Variants in MTREX observed in about 807,000 individuals in gnomAD.
The protein encoded by MTREX is Mtr4 exosome RNA helicase.
In MTREX, 76 loss-of-function variants were observed where a neutral mutation model predicts 135.4. The observed-to-expected ratio is 0.56, with a 90% CI of 0.47 to 0.68. The LOEUF (loss-of-function observed/expected upper bound fraction) is 0.68. Among genes scored for constraint, MTREX ranks in the 30% least tolerant of loss-of-function variants. The probability of loss-of-function intolerance (pLI) is 0.00; values close to 1 mark genes in which losing one functional copy is unlikely to be tolerated. For synonymous variants in MTREX, 404 were observed against 401.6 expected (o/e 1.01, Z -0.07); for missense variants, 920 against 1,262.1 (o/e 0.73, Z 4.11).
At position 55,414,163 on chromosome 5, in the gene MTREX, T is replaced by C; in HGVS notation, c.2752-19T>C. The C allele has an allele frequency of 6.5e-7, 1 of 1,537,786 alleles. No homozygotes were observed. Among genetic ancestry groups the C allele is most frequent in the Non-Finnish European group, 8.7e-7 (1 of 1,150,728 alleles). ...TTTAAACGTGGGTTTTTATATCTTG[T>C]TTTCCTTTTCTTTTATAGTCTAGTG... On this transcript the variant is annotated intron_variant, in intron 23 of 26. Coordinates refer to ENST00000230640, the MANE Select transcript of MTREX (RefSeq NM_015360.5).
chr5:55,414,069 T>G, intron 23 of MTREX, 113 bp from the exon 24 acceptor site: 1 of 684,458 alleles, frequency 1.5e-6, no homozygotes, highest in Non-Finnish European at 2.3e-6. Flanking sequence ...ACTAAGGTCT[T>G]ATAATTTGAT....
chr5:55,365,861 C>A (rs1234674746), intron 15 of MTREX, among the ~76,000 whole-genome samples: 3 of 151,938 alleles, frequency 2.0e-5, no homozygotes, highest in South Asian at 2.1e-4. Context: ...CCTGGTGGCA[C>A]GCTCCTGTAG....
chr5:55,420,449 T>G (rs1426004702), intron 25 of MTREX, among the ~76,000 whole-genome samples: 1 of 152,222 alleles, frequency 6.6e-6, no homozygotes, highest in Non-Finnish European at 1.5e-5. Flanking sequence ...TGGTATATAT[T>G]AGGTTGGTGC....
In MTREX at chr5:55,406,493, G is replaced by A. The variant is rs561729320; in HGVS notation, c.2645+905G>A. Among the ~76,000 whole-genome samples the A allele has an allele frequency of 3.9e-5, 6 of 152,222 alleles. No individual in the cohort carries two copies. The South Asian group carries it at 1.2e-3, about 32-fold the overall frequency. ...CTAGCTGGCTAAGGTTGCCTTTTCTGACCTAGCTTTACCTTTTGTAACCTA... is the reference window on the plus strand; with the variant it reads ...CTAGCTGGCTAAGGTTGCCTTTTCTAACCTAGCTTTACCTTTTGTAACCTA... On this transcript the variant is annotated intron_variant, in intron 22 of 26. Transcript: ENST00000230640.
intron 16 of MTREX, among the ~76,000 whole-genome samples, chr5:55,372,948 C>T (rs925104929): frequency 2.5e-5 from 3 of 118,534 alleles, no homozygotes; most frequent in Non-Finnish European, 5.5e-5. Flanking sequence ...GTGTGTTTGT[C>T]TATGGTTTTT....
chr5:55,414,071 T>C lies in MTREX; in HGVS notation c.2752-111T>C, dbSNP rs1010983490. On this transcript the variant is annotated intron_variant, in intron 23 of 26. Coordinates refer to ENST00000230640, the MANE Select transcript of MTREX (RefSeq NM_015360.5). ...CTAAATGCTGATGACTAAGGTCTTA[T>C]AATTTGATATGTGACTATCTTACAA... is the stretch of plus-strand genomic sequence containing the variant. 2.0e-5 allele frequency: 14 copies of C among 697,832 alleles called. No individual in the cohort carries two copies. The African/African-American group carries it at 2.2e-4, about 11-fold the overall frequency. 43.2% of individuals were successfully genotyped at this position (697,832 alleles called of 1,614,324 possible). A position where few individuals can be genotyped will look rare whatever the true frequency, so the allele number is the denominator to read the frequency against.
intron 25 of MTREX, among the ~76,000 whole-genome samples, chr5:55,418,451 C>T: frequency 6.8e-6 from 1 of 146,800 alleles, no homozygotes; most frequent in Middle Eastern, 3.2e-3. Flanking sequence ...TAGATGCCAC[C>T]TATGAGTTGA....
chr5:55,328,769 T>C lies in MTREX; in HGVS notation c.473T>C (p.Leu158Pro). 1 of 1,613,392 alleles carries C rather than the reference T, an allele frequency of 6.2e-7. No homozygotes were observed. The highest frequency in any genetic ancestry group is 8.5e-7 in the Non-Finnish European group (1 of 1,179,448). The change falls in exon 5 of 27, where the codon CTA becomes CCA. Residue 158 changes from leucine to proline, a missense_variant. Physicochemically the swap from Leu to Pro is moderately conservative, Grantham distance 98. This residue lies in a region of MTREX where 82 missense variants were observed against 107.4 expected (regional missense o/e 0.76). Transcript: ENST00000230640. Reference sequence around the variant, plus strand: ...TGTGTTGACAATAATCAGTCTGTTCTAGTATCTGCACATACCTCAGCGGGA... The same window carrying C: ...TGTGTTGACAATAATCAGTCTGTTCCAGTATCTGCACATACCTCAGCGGGA... ...IQCVDNNQSV[L>P]VSAHTSAGKT...
intron 25 of MTREX, among the ~76,000 whole-genome samples, chr5:55,419,226 A>G (rs986926081): frequency 2.6e-4 from 39 of 152,212 alleles, no homozygotes; most frequent in South Asian, 1.9e-3. Context: ...CAGGCAGACA[A>G]TAATTGCATT....
intron 14 of MTREX, 118 bp downstream of exon 14, chr5:55,353,387 AATACAGTTTC>A (rs1749859185): frequency 1.7e-6 from 1 of 589,082 alleles, no homozygotes; most frequent in African/African-American, 1.9e-5. Context: ...AACCTGAGCT[AATACAGTTTC>A]ATCAAGGTTA....
chr5:55,340,533 G>A (rs16884079), intron 6 of MTREX, among the ~76,000 whole-genome samples: 2 of 149,368 alleles, frequency 1.3e-5, no homozygotes, highest in Admixed American at 6.6e-5. Flanking sequence ...TGACTTTGCC[G>A]TCTTCTATAT....
chr5:55,319,679 C>T (rs929686967), intron 1 of MTREX, among the ~76,000 whole-genome samples: 8 of 152,152 alleles, frequency 5.3e-5, no homozygotes, highest in African/African-American at 1.9e-4. Context: ...ACTTCATTTC[C>T]AGCCTTTCTG....
At chr5:55,386,723 A>G (rs1201928347) in intron 18 of MTREX, among the ~76,000 whole-genome samples, 1 of 152,134 alleles carries the variant, frequency 6.6e-6, no homozygotes, top group East Asian at 1.9e-4. Context: ...CCAACAACAG[A>G]GTTATCTAGA....
intron 1 of MTREX, among the ~76,000 whole-genome samples, chr5:55,308,533 G>A (rs929153060): frequency 6.6e-6 from 1 of 151,926 alleles, no homozygotes; most frequent in Non-Finnish European, 1.5e-5. Context: ...GGAGGGGAAA[G>A]GGCAGATAAT....
At position 55,405,458 on chromosome 5, in the gene MTREX, C is replaced by T; in HGVS notation, c.2515C>T (p.Leu839=). The T allele has an allele frequency of 6.2e-7, 1 of 1,613,640 alleles. No individual in the cohort carries two copies. Among genetic ancestry groups the T allele is most frequent in the South Asian group, 1.1e-5 (1 of 91,040 alleles). ...AGATATTAAATCTGCAAAGCGAGAACTGAAGAAAGCAAGAACAGTCCTACA... is the reference window on the plus strand; with the variant it reads ...AGATATTAAATCTGCAAAGCGAGAATTGAAGAAAGCAAGAACAGTCCTACA... ...AIDIKSAKRE[L]KKARTVLQMD... Residue 839 remains leucine (L), a synonymous_variant, in exon 22 of 27, where the codon CTG becomes TTG. Coordinates refer to ENST00000230640, the MANE Select transcript of MTREX (RefSeq NM_015360.5).
chr5:55,315,860 G>GAA (rs11341721), intron 1 of MTREX, among the ~76,000 whole-genome samples: 14 of 96,878 alleles, frequency 1.4e-4, no homozygotes, highest in South Asian at 3.4e-4. Context: ...GACCCAACTT[G>GAA]AAAAAAAAAA....
chr5:55,400,642 TTTC>T (rs1291427965), intron 21 of MTREX, among the ~76,000 whole-genome samples: 9 of 152,208 alleles, frequency 5.9e-5, no homozygotes, highest in African/African-American at 2.2e-4. Context: ...TGTTCTGTTT[TTTC>T]TTCTTTTTTA....
chr5:55,374,894 T>C (rs1203417228), intron 16 of MTREX, among the ~76,000 whole-genome samples: 1 of 152,162 alleles, frequency 6.6e-6, no homozygotes, highest in Non-Finnish European at 1.5e-5. Context: ...TCCTTAAGCG[T>C]TGGCCAGCTT....
intron 5 of MTREX, among the ~76,000 whole-genome samples, chr5:55,329,714 G>C (rs1304144211): frequency 6.6e-6 from 1 of 152,042 alleles, no homozygotes; most frequent in Admixed American, 6.5e-5. Context: ...CTTTTGACTT[G>C]CATAGTTTAT....
Sources: gnomAD v4.1 joint callset for allele counts (sites outside exome capture counted in the v4.1 genomes callset) on GRCh38, gnomAD v4.1.1 for gene constraint, gnomAD v4.1.1 regional missense constraint, MANE v1.5 for transcripts, NCBI Gene and HGNC (gene_info 2026-07-23, HGNC 2026-07-21) for gene names.